Variants in NCMAP observed in about 807,000 individuals in gnomAD.
NCMAP encodes non-compact myelin associated protein.
Under a neutral mutation model 7.8 loss-of-function variants are expected in NCMAP, and 8 were observed. The observed-to-expected ratio is 1.02, with a 90% CI of 0.60 to 1.84. The LOEUF is 1.84. Ranked by LOEUF, NCMAP falls within the 40% of genes most tolerant of loss-of-function variation. The pLI, the probability that NCMAP is intolerant of heterozygous loss-of-function variation, is 0.00. For synonymous variants in NCMAP, 41 were observed against 52.9 expected, an observed-to-expected ratio of 0.78 and a Z score of 0.98; for missense variants, 112 against 131.4, an observed-to-expected ratio of 0.85 and a Z score of 0.72.
intron 1 of NCMAP, among the ~76,000 whole-genome samples, chr1:24,582,517 GA>G (rs1489683244): frequency 6.6e-6 from 1 of 152,158 alleles, no homozygotes; most frequent in Non-Finnish European, 1.5e-5. Flanking sequence ...GAGAGGAAGA[GA>G]TGTGATGATG....
chr1:24,596,302 T>C (rs1025470762), intron 2 of NCMAP, among the ~76,000 whole-genome samples: 2 of 151,976 alleles, frequency 1.3e-5, no homozygotes, highest in Non-Finnish European at 2.9e-5. Flanking sequence ...CTACTACGAT[T>C]GCTATTGTTT....
At chr1:24,592,305 C>T (rs745722591) in intron 1 of NCMAP, among the ~76,000 whole-genome samples, 1 of 152,116 alleles carries the variant, frequency 6.6e-6, no homozygotes. Context: ...TATAGTCTGT[C>T]GTGCTCACTA....
intron 1 of NCMAP, among the ~76,000 whole-genome samples, chr1:24,582,892 T>G (rs1230564625): frequency 6.6e-6 from 1 of 152,196 alleles, no homozygotes; most frequent in Admixed American, 6.5e-5. Context: ...CTCCTATGTC[T>G]GTAAAATAGG....
At chr1:24,603,510 C>T (rs1487278997) in intron 3 of NCMAP, among the ~76,000 whole-genome samples, 1 of 152,128 alleles carries the variant, frequency 6.6e-6, no homozygotes, top group Non-Finnish European at 1.5e-5. Context: ...AATGGAGAAT[C>T]CACTCAACCC....
intron 3 of NCMAP, among the ~76,000 whole-genome samples, chr1:24,605,403 T>C (rs1355909395): frequency 6.6e-6 from 1 of 152,166 alleles, no homozygotes; most frequent in Non-Finnish European, 1.5e-5. Flanking sequence ...AAATATCTGA[T>C]CTAAGTGAAA....
chr1:24,564,247 C>T (rs950433670), intron 1 of NCMAP, among the ~76,000 whole-genome samples: 7 of 152,012 alleles, frequency 4.6e-5, no homozygotes, highest in Non-Finnish European at 7.4e-5. Flanking sequence ...CAGTGGCTCA[C>T]GCCTGTAATC....
intron 2 of NCMAP, among the ~76,000 whole-genome samples, chr1:24,598,038 T>C (rs56343328): frequency 0.035 from 5,288 of 152,070 alleles, 148 homozygotes; most frequent in Middle Eastern, 0.12. Context: ...TAAGATTAAA[T>C]ATCTTGCAAT....
chr1:24,584,180 A>C (rs537675512), intron 1 of NCMAP, among the ~76,000 whole-genome samples: 55 of 152,148 alleles, frequency 3.6e-4, no homozygotes, highest in Admixed American at 2.4e-3. Flanking sequence ...TTTACATGGG[A>C]GCTCCTATGG....
At chr1:24,603,195 C>A (rs976637697) in intron 3 of NCMAP, among the ~76,000 whole-genome samples, 19 of 151,808 alleles carry the variant, frequency 1.3e-4, no homozygotes, top group African/African-American at 4.4e-4. Context: ...GAGGTGGGTA[C>A]TACTATTATC....
intron 2 of NCMAP, among the ~76,000 whole-genome samples, chr1:24,599,661 T>A (rs937564005): frequency 2.0e-5 from 3 of 152,108 alleles, no homozygotes; most frequent in Non-Finnish European, 4.4e-5. Context: ...CACTGAAACC[T>A]CTGCCTCCCG....
At chr1:24,589,126 C>T (rs960576295) in intron 1 of NCMAP, among the ~76,000 whole-genome samples, 4 of 152,158 alleles carry the variant, frequency 2.6e-5, no homozygotes, top group South Asian at 4.1e-4. Context: ...CCTTACAGGA[C>T]TGGTATGAAG....
At chr1:24,580,247 T>C (rs1651704590) in intron 1 of NCMAP, among the ~76,000 whole-genome samples, 1 of 152,230 alleles carries the variant, frequency 6.6e-6, no homozygotes, top group Admixed American at 6.5e-5. Context: ...CTTAATTGTA[T>C]TTAAGTGTAA....
chr1:24,581,562 C>T (rs899523835), intron 1 of NCMAP, among the ~76,000 whole-genome samples: 1 of 152,354 alleles, frequency 6.6e-6, no homozygotes, highest in Non-Finnish European at 1.5e-5. Context: ...CCCTAAGTTA[C>T]TGCACGGACT....
chr1:24,562,906 G>A (rs1557591716), intron 1 of NCMAP, among the ~76,000 whole-genome samples: 1 of 152,200 alleles, frequency 6.6e-6, no homozygotes, highest in Non-Finnish European at 1.5e-5. Context: ...TCCTGCCCTG[G>A]GGCTCATCCC....
rs1652804269 is a variant in NCMAP, at chr1:24,607,540, A to G, written c.*1793A>G. 6.6e-6 allele frequency: 1 copy of G among 152,114 alleles called. No homozygotes were observed. The highest frequency in any genetic ancestry group is 2.1e-4 in the South Asian group (1 of 4,828). The allele number at this position is 152,114 out of a possible 1,614,324, so 9.4% of individuals were successfully genotyped here. On this transcript the variant is annotated 3_prime_UTR_variant, in exon 4 of 4. Transcript: ENST00000374392. ...GACACACTTTGACATTTAACCTCAA[A>G]TTTTAGGAGTCTCTCCCTCTTGGGG...
rs763527893 is a variant in NCMAP at position 24,605,622 on chromosome 1, C to T, written c.184C>T (p.Arg62Trp). ...TCCCTACAGGAAAATGAGGACGAGG[C>T]GGGAACTAGAGCCCAAGGGCCCCAA... ...KMYNRKMRTR[R>W]ELEPKGPKPT... is the part of the protein sequence containing the mutation. The change falls in exon 4 of 4, where the codon CGG becomes TGG. Residue 62 changes from arginine to tryptophan, a missense_variant. By Grantham distance (101) the Arg-to-Trp change is moderately radical. Coordinates refer to ENST00000374392, the MANE Select transcript of NCMAP (RefSeq NM_001010980.5). 1.4e-5 allele frequency: 22 copies of T among 1,614,062 alleles called. No homozygotes were observed. The highest frequency in any genetic ancestry group is 6.6e-5 in the South Asian group (6 of 91,088).
intron 1 of NCMAP, among the ~76,000 whole-genome samples, chr1:24,581,153 C>T (rs1057009848): frequency 1.5e-4 from 22 of 150,842 alleles, no homozygotes; most frequent in Non-Finnish European, 2.1e-4. Flanking sequence ...GGTCTCGCTG[C>T]GATGCCAGGC....
intron 1 of NCMAP, among the ~76,000 whole-genome samples, chr1:24,557,395 ATG>A (rs1011267706): frequency 9.3e-5 from 14 of 150,762 alleles, no homozygotes; most frequent in South Asian, 2.1e-4. Context: ...GTATGTGTGC[ATG>A]TGTGTGTGTG....
In NCMAP at chr1:24,556,155, G is replaced by T. The variant is rs1650888575; in HGVS notation, c.-22G>T. The T allele has an allele frequency of 6.5e-6, 1 of 152,720 alleles. No homozygotes were observed. Among genetic ancestry groups the T allele is most frequent in the Non-Finnish European group, 1.5e-5 (1 of 68,216 alleles). 9.5% of individuals were successfully genotyped at this position (152,720 alleles called of 1,614,324 possible). ...GCGGTGCCGGCGGGAGGCCGAGCGG[G>T]GCTCGACAGAGCAGGTAGGAGGCGC... On this transcript the variant is annotated 5_prime_UTR_variant, in exon 1 of 4. Coordinates refer to ENST00000374392, the MANE Select transcript of NCMAP (RefSeq NM_001010980.5).
Sources: allele counts gnomAD v4.1 joint callset (sites outside exome capture counted in the v4.1 genomes callset), GRCh38; gene constraint gnomAD v4.1.1; transcripts MANE v1.5; gene names NCBI Gene and HGNC (gene_info 2026-07-23, HGNC 2026-07-21).